ACAP2: variants seen among roughly 807,000 people sequenced by gnomAD.
ACAP2 encodes arf-GAP with coiled-coil, ANK repeat and PH domain-containing protein 2.
ACAP2 carries 39 observed loss-of-function variants against 115.8 expected under a neutral mutation model. The observed-to-expected ratio is 0.34, with a 90% CI of 0.26 to 0.44. ACAP2 has a LOEUF of 0.44. Ranked by LOEUF, ACAP2 falls within the 20% of genes least tolerant of loss-of-function variation. The pLI is 1.00. For missense variants in ACAP2, 662 were observed against 927.6 expected (o/e 0.71, Z 3.72); for synonymous variants, 289 against 315.8 (o/e 0.92, Z 0.90).
At chr3:195,371,686 T>C (rs1055163277) in intron 4 of ACAP2, among the ~76,000 whole-genome samples, 3 of 152,192 alleles carry the variant, frequency 2.0e-5, no homozygotes, top group Non-Finnish European at 4.4e-5. Context: ...ACAGTCTTCC[T>C]CTGTCACCCA....
chr3:195,336,716 A>T, intron 7 of ACAP2: 1 of 546,184 alleles, frequency 1.8e-6, no homozygotes, highest in South Asian at 2.4e-5. Context: ...ACCTTTATGG[A>T]CCTCACAGTG....
intron 22 of ACAP2, among the ~76,000 whole-genome samples, chr3:195,281,332 G>A (rs1300157063): frequency 6.6e-6 from 1 of 152,048 alleles, no homozygotes; most frequent in Non-Finnish European, 1.5e-5. Context: ...GTGAACCCGG[G>A]AGGCAGAGCT....
chr3:195,360,124 C>CT (rs1732253627), intron 4 of ACAP2, among the ~76,000 whole-genome samples: 1 of 152,048 alleles, frequency 6.6e-6, no homozygotes, highest in South Asian at 2.1e-4. Context: ...TAATCTGTTG[C>CT]TTACAAGAGA....
chr3:195,333,163 CTAGA>C, intron 7 of ACAP2, 40 bp from the exon 8 acceptor site: 1 of 1,080,376 alleles, frequency 9.3e-7, no homozygotes, highest in Non-Finnish European at 1.4e-6. Flanking sequence ...AAATCTATTC[CTAGA>C]TAGACATTCT....
At chr3:195,322,950 T>C (rs1427817578) in intron 9 of ACAP2, among the ~76,000 whole-genome samples, 1 of 152,192 alleles carries the variant, frequency 6.6e-6, no homozygotes, top group Non-Finnish European at 1.5e-5. Context: ...ATGAAAGACA[T>C]AGTGTTAGAA....
chr3:195,361,104 A>G (rs1278355722), intron 4 of ACAP2, among the ~76,000 whole-genome samples: 1 of 152,140 alleles, frequency 6.6e-6, no homozygotes, highest in Non-Finnish European at 1.5e-5. Flanking sequence ...ATTAAACAAT[A>G]TGCTCCTGAA....
Position 195,416,484 on chromosome 3 carries a change from C to T in ACAP2, c.54-24337G>A, listed in dbSNP as rs147732107. Among the ~76,000 whole-genome samples, 962 of 152,186 alleles carry T rather than the reference C, an allele frequency of 6.3e-3. 5 individuals are homozygous for T. Among genetic ancestry groups the T allele is most frequent in the South Asian group, 0.015 (71 of 4,826 alleles). On this transcript the variant is annotated intron_variant, in intron 1 of 22. Coordinates refer to ENST00000326793, the MANE Select transcript of ACAP2 (RefSeq NM_012287.6). Reference sequence around the variant, plus strand: ...AACATAGGAGAGGATATGAAACATACACCATCTCCTATATAGCTTGTAGGA... The same window carrying T: ...AACATAGGAGAGGATATGAAACATATACCATCTCCTATATAGCTTGTAGGA...
chr3:195,349,770 G>T, intron 4 of ACAP2: 1 of 294,976 alleles, frequency 3.4e-6, no homozygotes, highest in South Asian at 3.5e-5. Flanking sequence ...TGGGCTTCAA[G>T]AAGCATGGCC....
intron 1 of ACAP2, among the ~76,000 whole-genome samples, chr3:195,396,195 G>A (rs1375108841): frequency 6.6e-6 from 1 of 151,874 alleles, no homozygotes; most frequent in Non-Finnish European, 1.5e-5. Flanking sequence ...AGATTGCAGT[G>A]AGCTGAGATC....
At chr3:195,434,913 G>A (rs934285325) in intron 1 of ACAP2, among the ~76,000 whole-genome samples, 2 of 151,872 alleles carry the variant, frequency 1.3e-5, no homozygotes, top group Non-Finnish European at 2.9e-5. Context: ...CTGTAAATTG[G>A]TAGTGATGTG....
intron 9 of ACAP2, among the ~76,000 whole-genome samples, chr3:195,322,656 AATTT>A (rs1386032065): frequency 2.6e-5 from 4 of 152,300 alleles, no homozygotes; most frequent in East Asian, 3.9e-4. Context: ...TTGACGCTAC[AATTT>A]ATTTAATTAT....
chr3:195,351,117 CTT>C (rs1160492256), intron 4 of ACAP2, among the ~76,000 whole-genome samples: 9 of 107,290 alleles, frequency 8.4e-5, no homozygotes, highest in African/African-American at 1.6e-4. Context: ...AAGATAAATC[CTT>C]TTTTTTTTTT....
intron 6 of ACAP2, among the ~76,000 whole-genome samples, chr3:195,340,027 G>A (rs1237893172): frequency 1.3e-5 from 2 of 151,070 alleles, no homozygotes; most frequent in Admixed American, 6.6e-5. Flanking sequence ...ATTCCTTCTG[G>A]CCTGGAGAAG....
chr3:195,303,815 G>A (rs1728230041), intron 13 of ACAP2, among the ~76,000 whole-genome samples: 1 of 152,046 alleles, frequency 6.6e-6, no homozygotes, highest in Non-Finnish European at 1.5e-5. Flanking sequence ...CAAAGATGTG[G>A]TACTTAGATC....
chr3:195,410,976 TG>T, intron 1 of ACAP2: 1 of 391,496 alleles, frequency 2.6e-6, no homozygotes, highest in South Asian at 1.9e-5. Context: ...ACTAATCTGC[TG>T]GCATCTTTAT....
At chr3:195,339,438 T>C (rs1730728891) in intron 6 of ACAP2, among the ~76,000 whole-genome samples, 1 of 150,840 alleles carries the variant, frequency 6.6e-6, no homozygotes, top group Non-Finnish European at 1.5e-5. Context: ...TATATAAAAT[T>C]TTTAAATTTA....
chr3:195,320,627 A>G, intron 10 of ACAP2, 74 bp downstream of exon 10: 1 of 1,032,126 alleles, frequency 9.7e-7, no homozygotes, highest in Non-Finnish European at 1.5e-6. Context: ...TAAAGGAGAG[A>G]GTTGTCAAAT....
intron 20 of ACAP2, 25 bp downstream of exon 20, chr3:195,291,681 T>C (rs1409291646): frequency 1.3e-6 from 2 of 1,561,316 alleles, no homozygotes; most frequent in East Asian, 2.3e-5. Flanking sequence ...TAAAGTCTCC[T>C]TAAATATGAA....
intron 4 of ACAP2, among the ~76,000 whole-genome samples, chr3:195,374,619 C>T (rs1209544527): frequency 6.6e-6 from 1 of 152,176 alleles, no homozygotes; most frequent in Non-Finnish European, 1.5e-5. Context: ...GGCAGTTTCT[C>T]GTCATTAACA....
Sources: allele counts gnomAD v4.1 joint callset (sites outside exome capture counted in the v4.1 genomes callset), GRCh38; gene constraint gnomAD v4.1.1; transcripts MANE v1.5; gene names NCBI Gene and HGNC (gene_info 2026-07-23, HGNC 2026-07-21).